NSF: variants seen among roughly 807,000 people sequenced by gnomAD.
The protein encoded by NSF is N-ethylmaleimide sensitive factor, vesicle fusing ATPase.
A neutral mutation model predicts 50.3 loss-of-function variants in NSF; 14 were observed. That is an observed-to-expected ratio of 0.28 (90% CI 0.18 to 0.44). The LOEUF is 0.44. NSF is among the 20% of genes least tolerant of loss of function. The pLI is 1.00. For synonymous variants in NSF, 109 were observed against 175.7 expected, an observed-to-expected ratio of 0.62 and a Z score of 3.00; for missense variants, 218 against 504.3, an observed-to-expected ratio of 0.43 and a Z score of 5.44.
chr17:46,712,798 C>A (rs186445451), intron 14 of NSF, among the ~76,000 whole-genome samples: 1 of 152,140 alleles, frequency 6.6e-6, no homozygotes. Context: ...ACAAAAGAGA[C>A]TGAGCAAGAG....
intron 13 of NSF, among the ~76,000 whole-genome samples, chr17:46,707,919 G>A (rs759352118): frequency 1.3e-5 from 2 of 151,796 alleles, no homozygotes; most frequent in Non-Finnish European, 2.9e-5. Context: ...TGTAATCCCA[G>A]CTACTCGGGA....
At position 46,719,652 on chromosome 17, in the gene NSF, T is replaced by G. The variant is rs2058808623; in HGVS notation, c.1761+5666T>G. 6.6e-6 allele frequency among the ~76,000 whole-genome samples: 1 copy of G among 152,226 alleles called. No homozygotes were observed. Among genetic ancestry groups the G allele is most frequent in the Non-Finnish European group, 1.5e-5 (1 of 68,042 alleles). ...CCTATTTTACGTTTGCTTCCCAAAC[T>G]TCATTCTATTTTTAAATTTTAATTC... On this transcript the variant is annotated intron_variant, in intron 15 of 20. Transcript: ENST00000398238. This position sits in a 1 kb window ranked among gnomAD's most constrained non-coding sequence, Gnocchi z 4.3.
intron 18 of NSF, among the ~76,000 whole-genome samples, chr17:46,750,219 G>A (rs1282021207): frequency 6.6e-6 from 1 of 152,162 alleles, no homozygotes; most frequent in East Asian, 1.9e-4. Flanking sequence ...TGGGCATGGT[G>A]GTGGGCACCT....
intron 8 of NSF, among the ~76,000 whole-genome samples, chr17:46,657,673 T>C (rs2058271332): frequency 8.5e-6 from 1 of 118,174 alleles, no homozygotes; most frequent in Non-Finnish European, 1.8e-5. Flanking sequence ...GTTTTACTTT[T>C]TGGCTCCTCA....
intron 20 of NSF, 51 bp from the exon 21 acceptor site, chr17:46,755,751 T>A: frequency 6.4e-7 from 1 of 1,557,210 alleles, no homozygotes; most frequent in Non-Finnish European, 8.7e-7. Context: ...TGATGAATAG[T>A]TTTTTACGGA....
At chr17:46,595,410 T>G (rs1245682328) in intron 1 of NSF, among the ~76,000 whole-genome samples, 4 of 76,194 alleles carry the variant, frequency 5.2e-5, no homozygotes, top group Non-Finnish European at 8.0e-5. Flanking sequence ...AGTGATCAAG[T>G]CAGGGTACAT....
chr17:46,721,394 CCTT>C (rs979618578), intron 15 of NSF, among the ~76,000 whole-genome samples: 4 of 152,158 alleles, frequency 2.6e-5, no homozygotes, highest in African/African-American at 9.7e-5. Context: ...CACATTGTTT[CCTT>C]CTTCAGTTCT....
chr17:46,684,959 G>A (rs1309081035), intron 9 of NSF, among the ~76,000 whole-genome samples: 1 of 96,834 alleles, frequency 1.0e-5, no homozygotes, highest in Non-Finnish European at 2.0e-5. Context: ...AGATCCAAAT[G>A]GCAATTGTAA....
chr17:46,733,495 G>A (rs955463898), intron 17 of NSF, among the ~76,000 whole-genome samples: 2 of 152,298 alleles, frequency 1.3e-5, no homozygotes, highest in East Asian at 1.9e-4. Flanking sequence ...ACACTTTTGT[G>A]CATCAAATTG....
chr17:46,714,929 C>T (rs2058753500), intron 15 of NSF, among the ~76,000 whole-genome samples: 1 of 152,124 alleles, frequency 6.6e-6, no homozygotes, highest in South Asian at 2.1e-4. Context: ...TTACATTGCT[C>T]TTAGGCATTC....
chr17:46,723,590 C>G (rs1568046860), intron 15 of NSF, among the ~76,000 whole-genome samples: 1 of 152,176 alleles, frequency 6.6e-6, no homozygotes, highest in African/African-American at 2.4e-5. Context: ...CCTTCTTGCT[C>G]TTTAAATGTA....
intron 1 of NSF, among the ~76,000 whole-genome samples, chr17:46,610,017 C>CTT (rs1377451516): frequency 6.3e-4 from 52 of 81,920 alleles, no homozygotes; most frequent in South Asian, 3.4e-3. Context: ...CTCTTTCTTT[C>CTT]TTTCTTTCTT....
chr17:46,694,084 A>C, intron 11 of NSF, among the ~76,000 whole-genome samples, 163 bp downstream of exon 11: 1 of 124,414 alleles, frequency 8.0e-6, no homozygotes, highest in African/African-American at 4.0e-5. Flanking sequence ...AAACATTAGG[A>C]TCATAATAAT....
intron 15 of NSF, among the ~76,000 whole-genome samples, chr17:46,722,726 A>G (rs890586527): frequency 6.6e-6 from 1 of 152,182 alleles, no homozygotes; most frequent in African/African-American, 2.4e-5. Context: ...TAGTGACTAG[A>G]TAAGGAAGAA....
At chr17:46,605,652 A>G (rs901335212) in intron 1 of NSF, among the ~76,000 whole-genome samples, 3 of 65,162 alleles carry the variant, frequency 4.6e-5, no homozygotes, top group African/African-American at 2.1e-4. Flanking sequence ...ACAGACAAAC[A>G]CTCAATGTTG....
intron 15 of NSF, among the ~76,000 whole-genome samples, chr17:46,724,440 A>G (rs2058866340): frequency 6.6e-6 from 1 of 152,244 alleles, no homozygotes; most frequent in African/African-American, 2.4e-5. Flanking sequence ...ATTCCATGAT[A>G]GCCAAGGCAG....
At chr17:46,749,008 G>T (rs2059157354) in intron 17 of NSF, among the ~76,000 whole-genome samples, 1 of 152,142 alleles carries the variant, frequency 6.6e-6, no homozygotes, top group African/African-American at 2.4e-5. Context: ...TGGGGGAAGG[G>T]GGGTAGTGCA....
chr17:46,731,821 A>G (rs570945837), intron 17 of NSF, among the ~76,000 whole-genome samples: 16 of 152,222 alleles, frequency 1.1e-4, no homozygotes, highest in Admixed American at 8.5e-4. Flanking sequence ...TGCAGTATAC[A>G]TGAATCAGTA....
intron 17 of NSF, among the ~76,000 whole-genome samples, chr17:46,743,865 C>T (rs939208295): frequency 2.0e-5 from 3 of 152,104 alleles, no homozygotes; most frequent in Non-Finnish European, 2.9e-5. Flanking sequence ...TTTAGCATCC[C>T]GAGTCTGCCT....
Sources: gnomAD v4.1 joint callset for allele counts (sites outside exome capture counted in the v4.1 genomes callset) on GRCh38, gnomAD v4.1.1 for gene constraint, Gnocchi (gnomAD v3.1) non-coding constraint, MANE v1.5 for transcripts, NCBI Gene and HGNC (gene_info 2026-07-23, HGNC 2026-07-21) for gene names.